Variants in DYNC2I1 observed in about 807,000 individuals in gnomAD.
The protein encoded by DYNC2I1 is cytoplasmic dynein 2 intermediate chain 1.
Under a neutral mutation model 133.4 loss-of-function variants are expected in DYNC2I1, and 89 were observed. The ratio of observed to expected loss-of-function variants is 0.67; its 90% CI spans 0.56 to 0.80. DYNC2I1 has a LOEUF of 0.80. DYNC2I1 is among the 30% of genes least tolerant of loss of function. The probability of loss-of-function intolerance (pLI) is 0.00; values close to 1 mark genes in which losing one functional copy is unlikely to be tolerated. For synonymous variants in DYNC2I1, 504 were observed against 484.3 expected, an observed-to-expected ratio of 1.04 and a Z score of -0.54; for missense variants, 1,291 against 1,314.5, an observed-to-expected ratio of 0.98 and a Z score of 0.28.
At chr7:158,872,240 C>T (rs549773514) in intron 3 of DYNC2I1, among the ~76,000 whole-genome samples, 1 of 152,306 alleles carries the variant, frequency 6.6e-6, no homozygotes, top group African/African-American at 2.4e-5. Context: ...CCCTTGAGCC[C>T]AGGAGGTCGA....
chr7:158,860,513 A>G (rs1306906199), intron 1 of DYNC2I1, among the ~76,000 whole-genome samples: 1 of 152,228 alleles, frequency 6.6e-6, no homozygotes, highest in East Asian at 1.9e-4. Flanking sequence ...GCTATTGGAA[A>G]AAACTTAATG....
chr7:158,897,141 G>A (rs1259618533), intron 8 of DYNC2I1, among the ~76,000 whole-genome samples: 1 of 151,836 alleles, frequency 6.6e-6, no homozygotes, highest in Non-Finnish European at 1.5e-5. Context: ...CTGCCGCCAT[G>A]CCCAGCTAAT....
At chr7:158,942,174 T>C in intron 24 of DYNC2I1, 26 bp downstream of exon 24, 1 of 1,495,914 alleles carries the variant, frequency 6.7e-7, no homozygotes, top group Non-Finnish European at 8.9e-7. Flanking sequence ...CTGGACCAGC[T>C]GCTGGTTGTG....
chr7:158,951,785 G>T (rs1480394809), intron 4 of DYNC2I1, among the ~76,000 whole-genome samples: 2 of 152,212 alleles, frequency 1.3e-5, no homozygotes, highest in Non-Finnish European at 2.9e-5. Context: ...GAAGGAGCAT[G>T]TTCTTCTCCA....
intron 24 of DYNC2I1, among the ~76,000 whole-genome samples, chr7:158,944,457 A>G (rs759306925): frequency 1.3e-5 from 2 of 152,172 alleles, no homozygotes; most frequent in Non-Finnish European, 2.9e-5. Context: ...ACCGTCTGTT[A>G]CTGATGTTTT....
At chr7:158,937,730 G>A (rs752148714) in intron 23 of DYNC2I1, among the ~76,000 whole-genome samples, 9 of 151,730 alleles carry the variant, frequency 5.9e-5, no homozygotes, top group Non-Finnish European at 8.8e-5. Flanking sequence ...GCAACATAGG[G>A]AGACCCTATC....
chr7:158,906,658 A>G (rs1422979878), intron 11 of DYNC2I1, among the ~76,000 whole-genome samples: 1 of 152,022 alleles, frequency 6.6e-6, no homozygotes, highest in Non-Finnish European at 1.5e-5. Flanking sequence ...GGGTTTCTCC[A>G]TGTTAGTCAG....
intron 1 of DYNC2I1, among the ~76,000 whole-genome samples, chr7:158,868,750 G>A (rs763304968): frequency 2.0e-5 from 3 of 152,222 alleles, no homozygotes; most frequent in Non-Finnish European, 4.4e-5. Flanking sequence ...CAGTCCACAG[G>A]TGTCGTTTCT....
At chr7:158,920,681 G>A (rs1848981930) in intron 15 of DYNC2I1, among the ~76,000 whole-genome samples, 1 of 152,226 alleles carries the variant, frequency 6.6e-6, no homozygotes, top group African/African-American at 2.4e-5. Context: ...GGAGTGGAGG[G>A]TCTTGTTTGC....
At chr7:158,850,221 C>T in the DYNC2I1 span, among the ~76,000 whole-genome samples, 268 of 152,296 alleles carry the variant, frequency 1.8e-3, 2 homozygotes, top group African/African-American at 5.9e-3. Context: ...TGGGAGCTCC[C>T]GCCCCACCAA....
downstream of DYNC2I1, among the ~76,000 whole-genome samples, chr7:158,950,892 G>C (rs369050234): frequency 6.6e-6 from 1 of 150,462 alleles, no homozygotes; most frequent in Non-Finnish European, 1.5e-5. Context: ...GCCTCTATAC[G>C]ATTCCAGGTG....
At chr7:158,955,616 C>T (rs1038152793) in intron 4 of DYNC2I1, among the ~76,000 whole-genome samples, 25 of 152,244 alleles carry the variant, frequency 1.6e-4, no homozygotes, top group Non-Finnish European at 2.9e-5. Flanking sequence ...CCAGCGCTAA[C>T]ATAAATCAGA....
chr7:158,886,904 G>A, intron 6 of DYNC2I1, 117 bp from the exon 7 acceptor site: 1 of 949,396 alleles, frequency 1.1e-6, no homozygotes, highest in Non-Finnish European at 1.6e-6. Flanking sequence ...CCTGGTTGTA[G>A]TAGTTCTTAA....
At chr7:158,927,557 ATT>A (rs35518012) in intron 20 of DYNC2I1, among the ~76,000 whole-genome samples, 137 of 147,738 alleles carry the variant, frequency 9.3e-4, no homozygotes, top group African/African-American at 2.9e-3. Context: ...TTCTGAATGA[ATT>A]TTTTTTTTTT....
intron 8 of DYNC2I1, among the ~76,000 whole-genome samples, chr7:158,893,160 G>A (rs1306140898): frequency 6.6e-6 from 1 of 152,104 alleles, no homozygotes; most frequent in East Asian, 1.9e-4. Flanking sequence ...GGACAAATGG[G>A]TCATGACGTG....
At chr7:158,950,365 T>C (rs1472354830), downstream of DYNC2I1, among the ~76,000 whole-genome samples, 2 of 152,248 alleles carry the variant, frequency 1.3e-5, no homozygotes, top group Non-Finnish European at 2.9e-5. Context: ...GTGCCTGGCC[T>C]AAGATTCCAG....
chr7:158,859,030 C>CT (rs1266148689), intron 1 of DYNC2I1, among the ~76,000 whole-genome samples: 1 of 131,718 alleles, frequency 7.6e-6, no homozygotes, highest in Non-Finnish European at 1.6e-5. Context: ...GAGTCTTGCT[C>CT]TTTCACCCAA....
At chr7:158,871,785 C>T (rs375674985) in intron 3 of DYNC2I1, among the ~76,000 whole-genome samples, 13 of 152,204 alleles carry the variant, frequency 8.5e-5, no homozygotes, top group East Asian at 3.9e-4. Context: ...ATCCTCCCAC[C>T]GCAGCCTCCC....
chr7:158,930,289 T>C (rs940011449), intron 20 of DYNC2I1, among the ~76,000 whole-genome samples, 166 bp from the exon 21 acceptor site: 3 of 152,240 alleles, frequency 2.0e-5, no homozygotes, highest in African/African-American at 7.2e-5. Flanking sequence ...GCAGGATACG[T>C]GAACCTCACC....
Sources: gnomAD v4.1 joint callset for allele counts (sites outside exome capture counted in the v4.1 genomes callset) on GRCh38, gnomAD v4.1.1 for gene constraint, MANE v1.5 for transcripts, NCBI Gene and HGNC (gene_info 2026-07-23, HGNC 2026-07-21) for gene names.